Variants in PRKD1 observed in about 807,000 individuals in gnomAD.
PRKD1 encodes the protein serine/threonine-protein kinase D1.
In PRKD1, 63 loss-of-function variants were observed where a neutral mutation model predicts 95.9. That is an observed-to-expected ratio of 0.66 (90% CI 0.54 to 0.81). The LOEUF (loss-of-function observed/expected upper bound fraction) is 0.81, where lower values mean the gene tolerates loss of function less well. Among genes scored for constraint, PRKD1 ranks in the 30% least tolerant of loss-of-function variants. The pLI, the probability that PRKD1 is intolerant of heterozygous loss-of-function variation, is 0.00. For missense variants in PRKD1, 1,048 were observed against 1,165.3 expected, an observed-to-expected ratio of 0.90 and a Z score of 1.47; for synonymous variants, 425 against 423.1, an observed-to-expected ratio of 1.00 and a Z score of -0.05.
At chr14:29,708,780 T>C (rs1433026511) in intron 2 of PRKD1, among the ~76,000 whole-genome samples, 1 of 152,046 alleles carries the variant, frequency 6.6e-6, no homozygotes, top group Non-Finnish European at 1.5e-5. Flanking sequence ...GCAGGATCAC[T>C]TGAGACCAGG....
At chr14:29,886,039 G>C (rs1893695472) in intron 1 of PRKD1, among the ~76,000 whole-genome samples, 1 of 152,162 alleles carries the variant, frequency 6.6e-6, no homozygotes, top group Admixed American at 6.5e-5. Flanking sequence ...GAATACCTGA[G>C]CTATAAGAAA....
chr14:29,891,731 G>C (rs1594607429), intron 1 of PRKD1, among the ~76,000 whole-genome samples: 1 of 151,120 alleles, frequency 6.6e-6, no homozygotes, highest in Non-Finnish European at 1.5e-5. Flanking sequence ...TCTAAACAAT[G>C]CACGTATTAT....
chr14:29,666,156 A>G lies in PRKD1; in HGVS notation c.456T>C (p.His152=). The G allele has an allele frequency of 6.2e-7, 1 of 1,609,224 alleles. No homozygotes were observed. The highest frequency in any genetic ancestry group is 1.1e-5 in the South Asian group (1 of 90,292). Residue 152 remains histidine (H), a synonymous_variant, in exon 3 of 18, where the codon CAT becomes CAC. Transcript: ENST00000331968. ...CACAGAAAGCTGGAGCTCTGTATGA[A>G]TGAACAAAGAGAGCGTGGGGACGAA... ...FQIRPHALFV[H]SYRAPAFCDH... is the part of the protein sequence containing the mutation.
intron 4 of PRKD1, among the ~76,000 whole-genome samples, chr14:29,648,078 T>A (rs1400174243): frequency 1.3e-5 from 2 of 152,218 alleles, no homozygotes; most frequent in African/African-American, 4.8e-5. Flanking sequence ...TTACAAAATA[T>A]GTGGGAAAGA....
intron 1 of PRKD1, among the ~76,000 whole-genome samples, chr14:29,835,440 A>T (rs1295773824): frequency 1.3e-5 from 2 of 152,200 alleles, no homozygotes; most frequent in Admixed American, 1.3e-4. Flanking sequence ...TATTATTTTA[A>T]ACCAACTTTG....
chr14:29,636,259 T>C, intron 7 of PRKD1, 31 bp downstream of exon 7: 2 of 1,613,442 alleles, frequency 1.2e-6, no homozygotes, highest in Non-Finnish European at 1.7e-6. Flanking sequence ...GGGGTTCCCC[T>C]GTTGGCTGAG....
At position 29,609,743 on chromosome 14, in the gene PRKD1, G is replaced by C. The variant is rs150640901; in HGVS notation, c.1906-9926C>G. Among the ~76,000 whole-genome samples, 297 of 125,190 alleles carry C rather than the reference G, an allele frequency of 2.4e-3. 1 individual carries two copies. The highest frequency in any genetic ancestry group is 7.6e-3 in the African/African-American group (256 of 33,852). 82.1% of individuals were successfully genotyped at this position (125,190 alleles called of 152,430 possible). A position where few individuals can be genotyped will look rare whatever the true frequency, so the allele number is the denominator to read the frequency against. ...TTTTTTTTTTTTTGTACTTTTAGTA[G>C]AGACAGGGTTTCACTATGTTACCCA... On this transcript the variant is annotated intron_variant, in intron 13 of 17. Coordinates refer to ENST00000331968, the MANE Select transcript of PRKD1 (RefSeq NM_002742.3).
chr14:29,631,759 G>A (rs1056528172), intron 9 of PRKD1, among the ~76,000 whole-genome samples: 9 of 151,930 alleles, frequency 5.9e-5, no homozygotes, highest in Non-Finnish European at 1.2e-4. Flanking sequence ...GTGTCCCAAA[G>A]TCCTGGGATT....
chr14:29,676,546 G>A (rs1883233766), intron 2 of PRKD1, among the ~76,000 whole-genome samples: 2 of 152,126 alleles, frequency 1.3e-5, no homozygotes, highest in African/African-American at 2.4e-5. Flanking sequence ...GTAGAGACGG[G>A]GTTTCACCAT....
chr14:29,911,486 C>T (rs569132043), intron 1 of PRKD1, among the ~76,000 whole-genome samples: 1 of 152,062 alleles, frequency 6.6e-6, no homozygotes, highest in Non-Finnish European at 1.5e-5. Context: ...CCCAAGGGCA[C>T]TGAACATTTT....
At chr14:29,859,620 A>G (rs978997910) in intron 1 of PRKD1, among the ~76,000 whole-genome samples, 1 of 152,158 alleles carries the variant, frequency 6.6e-6, no homozygotes, top group Non-Finnish European at 1.5e-5. Flanking sequence ...AAAAAAAAAA[A>G]AAATCTGACA....
chr14:29,862,579 A>G (rs1892747399), intron 1 of PRKD1, among the ~76,000 whole-genome samples: 1 of 152,198 alleles, frequency 6.6e-6, no homozygotes, highest in South Asian at 2.1e-4. Context: ...TAACTAGGTG[A>G]GATGATATCT....
chr14:29,681,758 T>C (rs1343444596), intron 2 of PRKD1, among the ~76,000 whole-genome samples: 1 of 152,224 alleles, frequency 6.6e-6, no homozygotes, highest in Non-Finnish European at 1.5e-5. Flanking sequence ...GAAAGTTACA[T>C]TGTCATAGTT....
intron 2 of PRKD1, among the ~76,000 whole-genome samples, chr14:29,694,157 A>G (rs2139306411): frequency 6.6e-6 from 1 of 152,268 alleles, no homozygotes; most frequent in South Asian, 2.1e-4. Flanking sequence ...ACTAAAATTT[A>G]TTGAAATGAT....
At chr14:29,777,143 A>C (rs898228495) in intron 1 of PRKD1, among the ~76,000 whole-genome samples, 2 of 152,224 alleles carry the variant, frequency 1.3e-5, no homozygotes, top group Non-Finnish European at 2.9e-5. Context: ...TCCTGAAGGA[A>C]GCACTAAACA....
chr14:29,641,551 T>A (rs796280122), intron 4 of PRKD1, among the ~76,000 whole-genome samples: 4 of 152,318 alleles, frequency 2.6e-5, no homozygotes, highest in African/African-American at 9.6e-5. Context: ...AGAAGCTGAC[T>A]GAAGTTCTGT....
intron 1 of PRKD1, among the ~76,000 whole-genome samples, chr14:29,917,087 A>C (rs1477393534): frequency 2.0e-5 from 3 of 152,206 alleles, no homozygotes; most frequent in Non-Finnish European, 4.4e-5. Flanking sequence ...AAAAAGCTTA[A>C]GAAAGAGTGT....
intron 1 of PRKD1, among the ~76,000 whole-genome samples, chr14:29,758,211 C>A (rs922263663): frequency 4.6e-5 from 7 of 150,840 alleles, no homozygotes; most frequent in Admixed American, 1.3e-4. Flanking sequence ...AAAGCTACTT[C>A]AATGAGTGGA....
At chr14:29,638,026 A>G (rs1472745168) in intron 6 of PRKD1, among the ~76,000 whole-genome samples, 1 of 152,150 alleles carries the variant, frequency 6.6e-6, no homozygotes, top group African/African-American at 2.4e-5. Context: ...AAGTTAATTT[A>G]TACAGTTAGA....
Sources: gnomAD v4.1 joint callset for allele counts (sites outside exome capture counted in the v4.1 genomes callset) on GRCh38, gnomAD v4.1.1 for gene constraint, MANE v1.5 for transcripts, NCBI Gene and HGNC (gene_info 2026-07-23, HGNC 2026-07-21) for gene names.